DGKB: variants seen among roughly 807,000 people sequenced by gnomAD.
DGKB encodes 90 kDa diacylglycerol kinase.
In DGKB, 67 loss-of-function variants were observed where a neutral mutation model predicts 114.3. The observed-to-expected ratio is 0.59, with a 90% CI of 0.48 to 0.72. DGKB has a LOEUF of 0.72. Ranked by LOEUF, DGKB falls within the 30% of genes least tolerant of loss-of-function variation. The pLI, the probability that DGKB is intolerant of heterozygous loss-of-function variation, is 0.00. For synonymous variants in DGKB, 398 were observed against 323.1 expected (o/e 1.23, Z -2.49); for missense variants, 907 against 975.2 (o/e 0.93, Z 0.93).
In DGKB at chr7:14,566,428, CCAATT is replaced by C. The variant is rs368727051; in HGVS notation, c.1770+7779_1770+7783del. Among the ~76,000 whole-genome samples the C allele has an allele frequency of 3.5e-3, 527 of 151,954 alleles. 6 individuals carry two copies. The highest frequency in any genetic ancestry group is 0.012 in the African/African-American group (505 of 41,448). On this transcript the variant is annotated intron_variant, in intron 20 of 25. Transcript: ENST00000402815. ...TGGCTGGGTTTATGAGGGAAGATGG[CCAATT>C]CAATTATATTTATAGATTTTAGGTA...
chr7:14,336,201 C>G (rs1810626239), intron 23 of DGKB, among the ~76,000 whole-genome samples: 1 of 152,072 alleles, frequency 6.6e-6, no homozygotes, highest in Non-Finnish European at 1.5e-5. Context: ...GAAATCAAAA[C>G]TTAGAAGCAT....
chr7:14,929,914 G>T (rs1278231447), intron 1 of DGKB, among the ~76,000 whole-genome samples: 1 of 152,026 alleles, frequency 6.6e-6, no homozygotes, highest in African/African-American at 2.4e-5. Flanking sequence ...TGAGAGATAG[G>T]GGTTCAGTTT....
At chr7:14,244,585 G>T (rs1034552417) in intron 23 of DGKB, among the ~76,000 whole-genome samples, 15 of 149,590 alleles carry the variant, frequency 1.0e-4, no homozygotes, top group Middle Eastern at 3.6e-3. Flanking sequence ...CAGGGGAATC[G>T]CTTGAATCTG....
intron 20 of DGKB, among the ~76,000 whole-genome samples, chr7:14,564,644 C>T (rs571097625): frequency 1.4e-4 from 22 of 152,198 alleles, no homozygotes; most frequent in Non-Finnish European, 2.5e-4. Context: ...ATCTCTGTTA[C>T]TATATAGTCT....
At chr7:14,239,231 G>A (rs920726150) in intron 23 of DGKB, among the ~76,000 whole-genome samples, 1 of 151,984 alleles carries the variant, frequency 6.6e-6, no homozygotes, top group African/African-American at 2.4e-5. Flanking sequence ...AGGGTACAAA[G>A]CTTATAAAAA....
intron 1 of DGKB, among the ~76,000 whole-genome samples, chr7:14,954,198 CTGAA>C (rs1221015530): frequency 1.3e-5 from 2 of 152,046 alleles, no homozygotes; most frequent in Non-Finnish European, 2.9e-5. Flanking sequence ...TACCTTCAAA[CTGAA>C]TGGTTCATTC....
At chr7:14,313,825 G>A in intron 23 of DGKB, among the ~76,000 whole-genome samples, 1 of 152,096 alleles carries the variant, frequency 6.6e-6, no homozygotes, top group African/African-American at 2.4e-5. Context: ...CACCTCTGGG[G>A]GCAGGGCACA....
chr7:14,916,168 T>C (rs1784230585), intron 1 of DGKB, among the ~76,000 whole-genome samples: 1 of 151,896 alleles, frequency 6.6e-6, no homozygotes, highest in Non-Finnish European at 1.5e-5. Context: ...TATTGCAAAC[T>C]CTGAGATAAC....
chr7:14,730,812 C>A (rs750698104), intron 5 of DGKB, among the ~76,000 whole-genome samples: 5 of 152,182 alleles, frequency 3.3e-5, no homozygotes, highest in Non-Finnish European at 7.3e-5. Context: ...TAAAGCAACT[C>A]TGCTTTAGCT....
intron 21 of DGKB, among the ~76,000 whole-genome samples, chr7:14,440,489 G>C (rs911163365): frequency 6.6e-6 from 1 of 151,932 alleles, no homozygotes; most frequent in Non-Finnish European, 1.5e-5. Context: ...AATAAATAAA[G>C]GTATGTATTT....
At chr7:14,219,276 C>G (rs1229633506) in intron 23 of DGKB, among the ~76,000 whole-genome samples, 1 of 151,812 alleles carries the variant, frequency 6.6e-6, no homozygotes, top group African/African-American at 2.4e-5. Context: ...TTTTCATGGA[C>G]TCTGACCTAA....
intron 1 of DGKB, among the ~76,000 whole-genome samples, chr7:14,889,551 T>C (rs1237488910): frequency 1.3e-5 from 2 of 151,552 alleles, no homozygotes; most frequent in Non-Finnish European, 3.0e-5. Flanking sequence ...ATCTCACAAA[T>C]CACTGCTTGG....
At chr7:14,576,606 AAAT>A (rs1393483735) in intron 19 of DGKB, among the ~76,000 whole-genome samples, 2 of 152,096 alleles carry the variant, frequency 1.3e-5, no homozygotes, top group Non-Finnish European at 2.9e-5. Context: ...AAATACTAGT[AAAT>A]AATAATGCTT....
chr7:14,693,192 C>T (rs1020049427), intron 9 of DGKB, among the ~76,000 whole-genome samples: 1 of 152,078 alleles, frequency 6.6e-6, no homozygotes, highest in Admixed American at 6.6e-5. Context: ...CTAAATATTA[C>T]AATTTCATTG....
chr7:14,338,149 C>T (rs1309482028), intron 23 of DGKB, among the ~76,000 whole-genome samples: 1 of 152,048 alleles, frequency 6.6e-6, no homozygotes, highest in Non-Finnish European at 1.5e-5. Context: ...ATAACACAAC[C>T]TTAGAAAAGC....
chr7:14,372,897 G>T (rs569426296), intron 21 of DGKB, among the ~76,000 whole-genome samples: 16 of 152,000 alleles, frequency 1.1e-4, no homozygotes, highest in African/African-American at 2.9e-4. Flanking sequence ...CTTGATTATT[G>T]AATCAATGCA....
intron 1 of DGKB, among the ~76,000 whole-genome samples, chr7:14,932,167 A>G (rs1785053254): frequency 6.6e-6 from 1 of 152,060 alleles, no homozygotes; most frequent in South Asian, 2.1e-4. Context: ...GACTGTACAA[A>G]TCCCATGTGG....
chr7:14,391,462 G>A (rs1172140118), intron 21 of DGKB, among the ~76,000 whole-genome samples: 1 of 151,198 alleles, frequency 6.6e-6, no homozygotes, highest in Non-Finnish European at 1.5e-5. Flanking sequence ...CAGGTGGATC[G>A]CTTGAGCCCA....
At chr7:14,473,804 C>G (rs754899381) in intron 21 of DGKB, among the ~76,000 whole-genome samples, 1 of 152,164 alleles carries the variant, frequency 6.6e-6, no homozygotes, top group Non-Finnish European at 1.5e-5. Flanking sequence ...ATTTTACTGC[C>G]CCACTGGATT....
Sources: allele counts gnomAD v4.1 joint callset (sites outside exome capture counted in the v4.1 genomes callset), GRCh38; gene constraint gnomAD v4.1.1; transcripts MANE v1.5; gene names NCBI Gene and HGNC (gene_info 2026-07-23, HGNC 2026-07-21).